FAM234A: variants seen among roughly 807,000 people sequenced by gnomAD.
FAM234A encodes the protein family with sequence similarity 234 member A.
A neutral mutation model predicts 49.1 loss-of-function variants in FAM234A; 42 were observed. The observed-to-expected ratio is 0.86, with a 90% CI of 0.67 to 1.11. The LOEUF (loss-of-function observed/expected upper bound fraction) is 1.11, where lower values mean the gene tolerates loss of function less well. Ranked by LOEUF, FAM234A falls within the 50% of genes least tolerant of loss-of-function variation. The pLI, the probability that FAM234A is intolerant of heterozygous loss-of-function variation, is 0.00. For synonymous variants in FAM234A, 369 were observed against 316.2 expected (o/e 1.17, Z -1.77); for missense variants, 815 against 745.2 (o/e 1.09, Z -1.09).
downstream of FAM234A, chr16:269,500 C>A (rs1380211256): frequency 1.2e-6 from 2 of 1,612,802 alleles, no homozygotes; most frequent in African/African-American, 2.7e-5. Context: ...TGCCTGGGCT[C>A]ACCGTCTCTT....
intron 3 of FAM234A, among the ~76,000 whole-genome samples, chr16:254,990 G>A (rs1423010611): frequency 2.0e-5 from 3 of 151,884 alleles, no homozygotes. Context: ...CAAATAGCTG[G>A]GATTACAGGC....
intron 2 of FAM234A, among the ~76,000 whole-genome samples, chr16:251,788 G>A (rs1290825331): frequency 2.0e-5 from 3 of 148,818 alleles, no homozygotes; most frequent in African/African-American, 7.5e-5. Context: ...TGGATCACGA[G>A]GTCAGGAGAT....
intron 3 of FAM234A, 24 bp from the exon 4 acceptor site, chr16:259,459 A>G (rs760025577): frequency 1.5e-6 from 2 of 1,337,662 alleles, no homozygotes; most frequent in South Asian, 2.3e-5. Context: ...CCCGCGGAGT[A>G]TAGTCTGTGG....
chr16:237,790 C>T (rs796746234), intron 1 of FAM234A, among the ~76,000 whole-genome samples: 27 of 151,310 alleles, frequency 1.8e-4, no homozygotes, highest in African/African-American at 5.1e-4. Flanking sequence ...TGGCTCATTC[C>T]GCCTCCCTGG....
downstream of FAM234A, among the ~76,000 whole-genome samples, chr16:266,924 G>T (rs2051709230): frequency 6.6e-6 from 1 of 152,066 alleles, no homozygotes; most frequent in Admixed American, 6.5e-5. Context: ...CAAAGGGAGG[G>T]GTCACCCTGC....
At position 265,689 on chromosome 16, in the gene FAM234A, TCTGGAG is replaced by T. The variant is rs2051669876; in HGVS notation, c.*671_*676del. On this transcript the variant is annotated 3_prime_UTR_variant, in exon 13 of 13. Coordinates refer to ENST00000399932, the MANE Select transcript of FAM234A (RefSeq NM_032039.4). Reference sequence around the variant, plus strand: ...CCCCAGCAGGATGGGTGGGGCCTGCTCTGGAGCTGAGCCCGTGGCCGCTCACAGGTG... The same window carrying T: ...CCCCAGCAGGATGGGTGGGGCCTGCTCTGAGCCCGTGGCCGCTCACAGGTG... 39 of 985,532 alleles carry T rather than the reference TCTGGAG, an allele frequency of 4.0e-5. No individual in the cohort carries two copies. Among genetic ancestry groups the T allele is most frequent in the Non-Finnish European group, 4.7e-5 (39 of 830,036 alleles). The allele number at this position is 985,532 out of a possible 1,614,324, so 61.0% of individuals were successfully genotyped here.
In FAM234A at chr16:265,259, G is replaced by A; in HGVS notation, c.*237G>A. The A allele has an allele frequency of 7.4e-7, 1 of 1,350,416 alleles. No homozygotes were observed. The highest frequency in any genetic ancestry group is 9.5e-7 in the Non-Finnish European group (1 of 1,052,450). The allele number at this position is 1,350,416 out of a possible 1,614,324, so 83.7% of individuals were successfully genotyped here. A position where few individuals can be genotyped will look rare whatever the true frequency, so the allele number is the denominator to read the frequency against. ...CATCCTCCCTGAGTCCCCACACAGG[G>A]CCTCACTCTGCACCCCACCAGGGTC... is the stretch of plus-strand genomic sequence containing the variant. On this transcript the variant is annotated 3_prime_UTR_variant, in exon 13 of 13. Transcript: ENST00000399932.
In FAM234A at chr16:261,452, G is replaced by A. The variant is rs1202126451; in HGVS notation, c.646G>A (p.Val216Met). 1.2e-6 allele frequency: 2 copies of A among 1,613,420 alleles called. No individual in the cohort carries two copies. The highest frequency in any genetic ancestry group is 1.1e-5 in the South Asian group (1 of 91,082). ...NASILSPLLQVPDVDGDGAPD... is the reference protein window; with the variant it reads ...NASILSPLLQMPDVDGDGAPD... ...GTCCATCCTGAGCCCTCTGCTGCAG[G>A]TGCCTGATGTGGACGGCGATGGGGC... The change falls in exon 6 of 13, where the codon GTG becomes ATG. Residue 216 changes from valine to methionine, a missense_variant. Coordinates refer to ENST00000399932, the MANE Select transcript of FAM234A (RefSeq NM_032039.4).
intron 1 of FAM234A, among the ~76,000 whole-genome samples, chr16:235,981 C>T (rs546204811): frequency 2.0e-5 from 3 of 151,422 alleles, no homozygotes; most frequent in African/African-American, 7.3e-5. Flanking sequence ...GGTGAAATCC[C>T]GTCTCTACTA....
intron 1 of FAM234A, among the ~76,000 whole-genome samples, chr16:235,323 T>C (rs769367466): frequency 1.3e-5 from 2 of 152,040 alleles, no homozygotes; most frequent in Admixed American, 6.6e-5. Flanking sequence ...GCGTGTCCTC[T>C]CTCGGGACGC....
Position 259,964 on chromosome 16 carries a change from T to C in FAM234A, c.386-5T>C. The C allele has an allele frequency of 6.2e-7, 1 of 1,612,070 alleles. No individual in the cohort carries two copies. Among genetic ancestry groups the C allele is most frequent in the East Asian group, 2.2e-5 (1 of 44,868 alleles). ...ACAGTGAGGTGCCGGTGTCTCTCCC[T>C]ACAGGCTTTTCCTCTCCCTGCACCT... On this transcript the variant is annotated splice_polypyrimidine_tract_variant and splice_region_variant and intron_variant, in intron 4 of 12. Transcript: ENST00000399932.
intron 1 of FAM234A, among the ~76,000 whole-genome samples, chr16:236,256 C>T (rs1199517294): frequency 1.3e-5 from 2 of 151,880 alleles, no homozygotes; most frequent in Admixed American, 1.3e-4. Context: ...GCAACTGGCC[C>T]TCTTTTTTTC....
chr16:252,343 A>G (rs994416227), intron 2 of FAM234A, among the ~76,000 whole-genome samples: 4 of 151,764 alleles, frequency 2.6e-5, no homozygotes, highest in South Asian at 2.1e-4. Flanking sequence ...CACCATGCCC[A>G]GCTAATTTTT....
At chr16:269,275 CA>C (rs756385518), downstream of FAM234A, 28 of 1,565,392 alleles carry the variant, frequency 1.8e-5, no homozygotes, top group South Asian at 2.5e-4. Flanking sequence ...TCCACTAGGC[CA>C]CCCCATCTCC....
At chr16:242,484 G>GTTA (rs1192715968) in intron 1 of FAM234A, among the ~76,000 whole-genome samples, 2 of 152,032 alleles carry the variant, frequency 1.3e-5, no homozygotes, top group African/African-American at 4.8e-5. Context: ...AAAATGCTGG[G>GTTA]TTTATAGGCA....
At chr16:237,067 A>T (rs952421861) in intron 1 of FAM234A, among the ~76,000 whole-genome samples, 4 of 144,212 alleles carry the variant, frequency 2.8e-5, no homozygotes, top group African/African-American at 1.0e-4. Context: ...TTATTTATTT[A>T]TGTATTTTTT....
chr16:265,424 C>A lies in FAM234A; in HGVS notation c.*402C>A. 9.9e-7 allele frequency: 1 copy of A among 1,009,760 alleles called. No homozygotes were observed. Among genetic ancestry groups the A allele is most frequent in the African/African-American group, 1.7e-5 (1 of 58,130 alleles). The allele number at this position is 1,009,760 out of a possible 1,614,324, so 62.6% of individuals were successfully genotyped here. ...CAGAGCGGCCATCGCGTAGAAAGAA[C>A]CAGGGTGTCCCCGGGACAGGCCGTC... is the stretch of plus-strand genomic sequence containing the variant. On this transcript the variant is annotated 3_prime_UTR_variant, in exon 13 of 13. Transcript: ENST00000399932.
Position 260,078 on chromosome 16 carries a change from CCAGCCAAGAGG to C in FAM234A, c.499_509del (p.Pro167Ter), listed in dbSNP as rs752225808. ...TGGCCCTCGTGGAGTGTGCTGTGCC[CCAGCCAAGAGG>C]CAGTGAGGCACCTTCTGCCTGCATC... On this transcript the variant is annotated frameshift_variant, in exon 5 of 13. Coordinates refer to ENST00000399932, the MANE Select transcript of FAM234A (RefSeq NM_032039.4). LOFTEE classifies it high-confidence loss of function. The C allele has an allele frequency of 1.8e-5, 29 of 1,613,754 alleles. No individual in the cohort carries two copies. The Admixed American group carries it at 4.3e-4, about 24-fold the overall frequency.
intron 3 of FAM234A, among the ~76,000 whole-genome samples, chr16:254,945 T>G (rs1000907264): frequency 2.0e-5 from 3 of 152,340 alleles, no homozygotes; most frequent in African/African-American, 7.2e-5. Flanking sequence ...TACTTCTGCC[T>G]CCGGAGTTCA....
Sources: gnomAD v4.1 joint callset for allele counts (sites outside exome capture counted in the v4.1 genomes callset) on GRCh38, gnomAD v4.1.1 for gene constraint, MANE v1.5 for transcripts, NCBI Gene and HGNC (gene_info 2026-07-23, HGNC 2026-07-21) for gene names.